Variants in IL1RAPL1 observed in about 807,000 individuals in gnomAD.
The protein encoded by IL1RAPL1 is interleukin-1 receptor accessory protein-like 1.
Under a neutral mutation model 48.4 loss-of-function variants are expected in IL1RAPL1, and 3 were observed. The ratio of observed to expected loss-of-function variants is 0.06; its 90% confidence interval spans 0.03 to 0.16. The LOEUF is 0.16. Among genes scored for constraint, IL1RAPL1 ranks in the 10% least tolerant of loss-of-function variants. The pLI is 1.00. For missense variants in IL1RAPL1, 349 were observed against 530.6 expected (o/e 0.66, Z 3.36); for synonymous variants, 185 against 187.7 (o/e 0.99, Z 0.12).
intron 1 of IL1RAPL1, among the ~76,000 whole-genome samples, chrX:28,787,250 A>T (rs1419009374): frequency 8.9e-6 from 1 of 112,231 alleles, no homozygotes; most frequent in Admixed American, 9.5e-5. Flanking sequence ...CTTGCAGTGT[A>T]TAGTTGGGTC....
intron 2 of IL1RAPL1, among the ~76,000 whole-genome samples, chrX:29,158,628 C>T (rs762259553): frequency 1.8e-5 from 2 of 110,992 alleles, no homozygotes; most frequent in South Asian, 7.7e-4. Flanking sequence ...CTGCCCGACT[C>T]GGCCTCCCAA....
chrX:29,265,672 C>A (rs1931944258), intron 2 of IL1RAPL1, among the ~76,000 whole-genome samples: 1 of 86,557 alleles, frequency 1.2e-5, no homozygotes, highest in African/African-American at 4.4e-5. Context: ...CTTCCTGTGT[C>A]CACGTGTTCT....
intron 1 of IL1RAPL1, among the ~76,000 whole-genome samples, chrX:28,697,356 A>G (rs1024569450): frequency 7.2e-5 from 8 of 111,449 alleles, no homozygotes; most frequent in Middle Eastern, 4.9e-3. Context: ...ATAAATAAAC[A>G]TTTAAAGATT....
intron 1 of IL1RAPL1, among the ~76,000 whole-genome samples, chrX:28,668,004 AG>A (rs1330386676): frequency 8.9e-6 from 1 of 112,099 alleles, no homozygotes; most frequent in Non-Finnish European, 1.9e-5. Context: ...AGCAGATCAC[AG>A]CCTTCAGCGG....
chrX:29,897,171 G>T (rs1228382313), intron 6 of IL1RAPL1, among the ~76,000 whole-genome samples: 1 of 112,473 alleles, frequency 8.9e-6, no homozygotes, highest in Non-Finnish European at 1.9e-5. Context: ...ATGAAGATCA[G>T]CTTGTTTATC....
chrX:29,334,792 CTG>C (rs1932957366), intron 3 of IL1RAPL1, among the ~76,000 whole-genome samples: 1 of 112,660 alleles, frequency 8.9e-6, no homozygotes, highest in East Asian at 2.8e-4. Flanking sequence ...ACTTTCCAGA[CTG>C]TGCAGCCAGG....
At chrX:29,674,046 A>G (rs1371208588) in intron 6 of IL1RAPL1, among the ~76,000 whole-genome samples, 2 of 112,209 alleles carry the variant, frequency 1.8e-5, no homozygotes, top group East Asian at 5.5e-4. Flanking sequence ...GGTGACAGAG[A>G]GGAGAAATAG....
At chrX:29,359,554 A>G (rs1169035561) in intron 3 of IL1RAPL1, among the ~76,000 whole-genome samples, 1 of 111,781 alleles carries the variant, frequency 8.9e-6, no homozygotes, top group Non-Finnish European at 1.9e-5. Context: ...CCTCCTCTGA[A>G]ATGTGTTATT....
chrX:29,555,896 A>G (rs1298351527), intron 5 of IL1RAPL1, among the ~76,000 whole-genome samples: 1 of 112,273 alleles, frequency 8.9e-6, no homozygotes, highest in Non-Finnish European at 1.9e-5. Context: ...AATTGCAGGA[A>G]TGTGCACTAT....
intron 2 of IL1RAPL1, among the ~76,000 whole-genome samples, chrX:29,092,769 G>A (rs1928119681): frequency 8.9e-6 from 1 of 111,989 alleles, no homozygotes; most frequent in Non-Finnish European, 1.9e-5. Context: ...TTGGTTAACA[G>A]GAAGTTTCTA....
Position 29,630,126 on chromosome X carries a change from G to C in IL1RAPL1, c.704-38304G>C, listed in dbSNP as rs146019331. On this transcript the variant is annotated intron_variant, in intron 5 of 10. Coordinates refer to ENST00000378993, the MANE Select transcript of IL1RAPL1 (RefSeq NM_014271.4). ...AGTGTGCCAGCAGATTCAGTGTCTGGTGAGGATGTGCTTCCTCATAGACAG... is the reference window on the plus strand; with the variant it reads ...AGTGTGCCAGCAGATTCAGTGTCTGCTGAGGATGTGCTTCCTCATAGACAG... 4.7e-4 allele frequency among the ~76,000 whole-genome samples: 53 copies of C among 111,721 alleles called. No homozygotes were observed. In the East Asian group the frequency reaches 0.012, roughly 24 times the overall value.
At chrX:29,878,925 A>G (rs1931966109) in intron 6 of IL1RAPL1, among the ~76,000 whole-genome samples, 1 of 111,928 alleles carries the variant, frequency 8.9e-6, no homozygotes, top group African/African-American at 3.2e-5. Flanking sequence ...ATGAAAATCT[A>G]TGCTCACACA....
At chrX:29,262,672 A>G (rs1466020765) in intron 2 of IL1RAPL1, among the ~76,000 whole-genome samples, 1 of 111,028 alleles carries the variant, frequency 9.0e-6, no homozygotes, top group Non-Finnish European at 1.9e-5. Context: ...TCAAAAAAAA[A>G]AAAAAAGTTG....
At chrX:29,663,089 A>G (rs1180316869) in intron 5 of IL1RAPL1, among the ~76,000 whole-genome samples, 1 of 112,514 alleles carries the variant, frequency 8.9e-6, no homozygotes, top group Non-Finnish European at 1.9e-5. Context: ...GTATGCTCCA[A>G]TATTAGAAAC....
chrX:28,910,262 C>A (rs1923324648), intron 2 of IL1RAPL1, among the ~76,000 whole-genome samples: 1 of 111,326 alleles, frequency 9.0e-6, no homozygotes, highest in Admixed American at 9.6e-5. Context: ...TCACTGATAA[C>A]TTTTGCCATT....
chrX:29,376,395 G>C (rs1933623435), intron 3 of IL1RAPL1, among the ~76,000 whole-genome samples: 2 of 107,474 alleles, frequency 1.9e-5, no homozygotes, highest in Non-Finnish European at 3.9e-5. Flanking sequence ...TTTTTAGAAA[G>C]TGTCTCACTC....
intron 2 of IL1RAPL1, among the ~76,000 whole-genome samples, chrX:29,152,777 A>G (rs1359069582): frequency 8.9e-6 from 1 of 112,479 alleles, no homozygotes; most frequent in Non-Finnish European, 1.9e-5. Flanking sequence ...ATGTTAATAT[A>G]TAGTAACCAG....
At chrX:29,202,383 GA>G (rs1930573184) in intron 2 of IL1RAPL1, among the ~76,000 whole-genome samples, 1 of 111,958 alleles carries the variant, frequency 8.9e-6, no homozygotes, top group Non-Finnish European at 1.9e-5. Flanking sequence ...GGTTATGGAG[GA>G]AAGGGAATGC....
At chrX:28,926,061 C>T (rs1011585407) in intron 2 of IL1RAPL1, among the ~76,000 whole-genome samples, 2 of 111,892 alleles carry the variant, frequency 1.8e-5, no homozygotes, top group African/African-American at 6.5e-5. Flanking sequence ...TGTTCAGTAC[C>T]GTAGCCATTA....
Sources: allele counts gnomAD v4.1 joint callset (sites outside exome capture counted in the v4.1 genomes callset), GRCh38; gene constraint gnomAD v4.1.1; transcripts MANE v1.5; gene names NCBI Gene and HGNC (gene_info 2026-07-23, HGNC 2026-07-21).